Variants in CTNNA3 observed in about 807,000 individuals in gnomAD.
The protein encoded by CTNNA3 is catenin alpha 3.
A neutral mutation model predicts 95.7 loss-of-function variants in CTNNA3; 76 were observed. The observed-to-expected ratio is 0.79, with a 90% CI of 0.66 to 0.96. CTNNA3 has a LOEUF of 0.96. Among genes scored for constraint, CTNNA3 ranks in the 40% least tolerant of loss-of-function variants. The pLI, the probability that CTNNA3 is intolerant of heterozygous loss-of-function variation, is 0.00. For synonymous variants in CTNNA3, 431 were observed against 374.4 expected, an observed-to-expected ratio of 1.15 and a Z score of -1.74; for missense variants, 1,191 against 1,089.8, an observed-to-expected ratio of 1.09 and a Z score of -1.31.
chr10:66,539,429 T>C (rs1173945129), intron 10 of CTNNA3, among the ~76,000 whole-genome samples: 1 of 152,124 alleles, frequency 6.6e-6, no homozygotes, highest in East Asian at 1.9e-4. Flanking sequence ...GAATGAGTCT[T>C]GACATTGTTC....
intron 9 of CTNNA3, among the ~76,000 whole-genome samples, chr10:66,686,817 A>G (rs1847314316): frequency 6.6e-6 from 1 of 152,198 alleles, no homozygotes; most frequent in Non-Finnish European, 1.5e-5. Context: ...CCCTGAAAAA[A>G]TACCTGTATG....
intron 7 of CTNNA3, among the ~76,000 whole-genome samples, chr10:66,856,421 T>A (rs1843685159): frequency 6.6e-6 from 1 of 152,132 alleles, no homozygotes; most frequent in African/African-American, 2.4e-5. Context: ...CCCTTGGGTA[T>A]ATAACCAATA....
intron 9 of CTNNA3, among the ~76,000 whole-genome samples, chr10:66,761,518 C>T (rs1479940628): frequency 2.0e-5 from 3 of 151,930 alleles, no homozygotes; most frequent in Non-Finnish European, 4.4e-5. Flanking sequence ...TCACTGTTTT[C>T]GTTGGTAGTG....
At chr10:67,104,361 C>T (rs1858505620) in intron 7 of CTNNA3, among the ~76,000 whole-genome samples, 1 of 151,768 alleles carries the variant, frequency 6.6e-6, no homozygotes, top group Non-Finnish European at 1.5e-5. Flanking sequence ...AAGCATACTA[C>T]ATCAAAAGAG....
intron 5 of CTNNA3, among the ~76,000 whole-genome samples, chr10:67,488,782 G>C (rs1425753543): frequency 6.6e-6 from 1 of 150,614 alleles, no homozygotes; most frequent in Non-Finnish European, 1.5e-5. Flanking sequence ...CAATTCTCCT[G>C]TCTCAGCCTC....
At chr10:67,186,997 T>G (rs1265803273) in intron 6 of CTNNA3, among the ~76,000 whole-genome samples, 1 of 152,180 alleles carries the variant, frequency 6.6e-6, no homozygotes, top group Non-Finnish European at 1.5e-5. Flanking sequence ...ACAAATATAT[T>G]TGTATTGATA....
At chr10:66,503,920 T>C (rs190906704) in intron 11 of CTNNA3, among the ~76,000 whole-genome samples, 7 of 152,306 alleles carry the variant, frequency 4.6e-5, no homozygotes, top group African/African-American at 1.7e-4. Context: ...AAATTATTTC[T>C]TTTTTAATTA....
chr10:67,637,651 CT>C (rs1839367123), intron 2 of CTNNA3, among the ~76,000 whole-genome samples: 3 of 152,312 alleles, frequency 2.0e-5, no homozygotes, highest in Admixed American at 2.0e-4. Context: ...GCCCATCAGA[CT>C]AATAGCTGAT....
intron 3 of CTNNA3, among the ~76,000 whole-genome samples, chr10:67,597,845 C>G (rs145923888): frequency 6.6e-6 from 1 of 152,144 alleles, no homozygotes; most frequent in Admixed American, 6.5e-5. Flanking sequence ...TGAATGCACA[C>G]CAGCAAAGTG....
At chr10:67,584,503 T>C (rs1842547801) in intron 3 of CTNNA3, among the ~76,000 whole-genome samples, 1 of 152,188 alleles carries the variant, frequency 6.6e-6, no homozygotes, top group African/African-American at 2.4e-5. Flanking sequence ...CCAGTTAGGC[T>C]ACTCGCGGGT....
chr10:66,375,048 A>G (rs145774296), intron 12 of CTNNA3, among the ~76,000 whole-genome samples: 1,706 of 152,242 alleles, frequency 0.011, 19 homozygotes, highest in Middle Eastern at 0.017. Flanking sequence ...CATTATTGCC[A>G]AAGATTTCTA....
intron 15 of CTNNA3, among the ~76,000 whole-genome samples, chr10:66,022,598 GACACACACACACACACACACAC>G (rs34537265): frequency 6.7e-6 from 1 of 149,370 alleles, no homozygotes; most frequent in African/African-American, 2.5e-5. Context: ...ATATGCACAT[GACACACACACACACACACACAC>G]ACACACACAC....
chr10:66,713,746 C>T (rs1256460441), intron 9 of CTNNA3, among the ~76,000 whole-genome samples: 1 of 152,048 alleles, frequency 6.6e-6, no homozygotes, highest in Non-Finnish European at 1.5e-5. Context: ...GCATTTAAAA[C>T]TCAAGTCACT....
In CTNNA3 at chr10:67,157,198, TAA is replaced by T. The variant is rs972924791; in HGVS notation, c.1047+23117_1047+23118del. On this transcript the variant is annotated intron_variant, in intron 7 of 17. Transcript: ENST00000433211. ...ACATAATCTTACATGAAGGAAATTA[TAA>T]AGACTACACACATGCAAACACACAC... Among the ~76,000 whole-genome samples, 72 of 152,190 alleles carry T rather than the reference TAA, an allele frequency of 4.7e-4. 1 individual carries two copies. Among genetic ancestry groups the T allele is most frequent in the African/African-American group, 1.6e-3 (66 of 41,536 alleles).
At chr10:67,091,261 GTCA>G (rs1256050645) in intron 7 of CTNNA3, among the ~76,000 whole-genome samples, 1 of 151,754 alleles carries the variant, frequency 6.6e-6, no homozygotes, top group Admixed American at 6.6e-5. Context: ...AAAGAATAAA[GTCA>G]TCATCAAGTG....
intron 5 of CTNNA3, among the ~76,000 whole-genome samples, chr10:67,317,696 AT>A (rs1479059509): frequency 6.6e-6 from 1 of 152,090 alleles, no homozygotes; most frequent in African/African-American, 2.4e-5. Context: ...AAGGGCTGGG[AT>A]TACAGGCTGA....
At chr10:66,735,676 A>C (rs921532369) in intron 9 of CTNNA3, among the ~76,000 whole-genome samples, 1 of 152,088 alleles carries the variant, frequency 6.6e-6, no homozygotes, top group Non-Finnish European at 1.5e-5. Context: ...CTAATAAATA[A>C]ATTCTTGCTT....
At chr10:67,004,965 T>C (rs1851887009) in intron 7 of CTNNA3, among the ~76,000 whole-genome samples, 1 of 152,146 alleles carries the variant, frequency 6.6e-6, no homozygotes, top group African/African-American at 2.4e-5. Flanking sequence ...AAGGACAAAA[T>C]TAGTAAGACT....
chr10:67,271,011 A>G (rs1416856989), intron 5 of CTNNA3, among the ~76,000 whole-genome samples: 1 of 152,194 alleles, frequency 6.6e-6, no homozygotes, highest in Non-Finnish European at 1.5e-5. Context: ...TACTCTCCAA[A>G]TCATGCAATC....
Sources: allele counts gnomAD v4.1 joint callset (sites outside exome capture counted in the v4.1 genomes callset), GRCh38; gene constraint gnomAD v4.1.1; transcripts MANE v1.5; gene names NCBI Gene and HGNC (gene_info 2026-07-23, HGNC 2026-07-21).